The following PEX14 variants were observed in gnomAD, a reference collection of about 807,000 sequenced individuals.
PEX14 encodes the protein peroxisomal biogenesis factor 14.
In PEX14, 15 loss-of-function variants were observed where a neutral mutation model predicts 49.5. That is an observed-to-expected ratio of 0.30 (90% CI 0.20 to 0.47). The LOEUF (loss-of-function observed/expected upper bound fraction) is 0.47, where lower values mean the gene tolerates loss of function less well. PEX14 is among the 20% of genes least tolerant of loss of function. The pLI is 1.00. For synonymous variants in PEX14, 210 were observed against 212.7 expected, an observed-to-expected ratio of 0.99 and a Z score of 0.11; for missense variants, 398 against 494.8, an observed-to-expected ratio of 0.80 and a Z score of 1.86.
intron 2 of PEX14, among the ~76,000 whole-genome samples, chr1:10,503,071 G>A (rs1252745778): frequency 3.3e-5 from 5 of 151,720 alleles, no homozygotes; most frequent in Non-Finnish European, 5.9e-5. Flanking sequence ...AAAGTGCTGG[G>A]ATTACAGGTG....
chr1:10,616,483 C>A (rs1641420399), intron 4 of PEX14, among the ~76,000 whole-genome samples: 3 of 152,186 alleles, frequency 2.0e-5, no homozygotes, highest in Non-Finnish European at 4.4e-5. Context: ...TTTTCCCTCT[C>A]CCCCTTTCTC....
At chr1:10,527,042 T>C (rs1276540342) in intron 2 of PEX14, among the ~76,000 whole-genome samples, 1 of 151,742 alleles carries the variant, frequency 6.6e-6, no homozygotes, top group African/African-American at 2.4e-5. Context: ...GGTGAAACCT[T>C]GTCTCTACTA....
intron 4 of PEX14, among the ~76,000 whole-genome samples, chr1:10,606,264 G>A (rs1359362620): frequency 6.6e-6 from 1 of 152,262 alleles, no homozygotes; most frequent in African/African-American, 2.4e-5. Flanking sequence ...TCGTGGTGCA[G>A]TGTGAATGCT....
chr1:10,596,433 AACAATATTCAC>A (rs1159490834), intron 3 of PEX14, among the ~76,000 whole-genome samples: 1 of 152,228 alleles, frequency 6.6e-6, no homozygotes, highest in Admixed American at 6.5e-5. Context: ...GTAGCCCCAA[AACAATATTCAC>A]TGGCTCCTTC....
At chr1:10,543,782 T>C (rs1201492670) in intron 3 of PEX14, among the ~76,000 whole-genome samples, 1 of 152,206 alleles carries the variant, frequency 6.6e-6, no homozygotes, top group Non-Finnish European at 1.5e-5. Flanking sequence ...AGTTTTTTTG[T>C]AGAGACAGGG....
At chr1:10,506,657 A>G (rs908651409) in intron 2 of PEX14, among the ~76,000 whole-genome samples, 1 of 152,278 alleles carries the variant, frequency 6.6e-6, no homozygotes, top group Non-Finnish European at 1.5e-5. Flanking sequence ...GTGAATTGCT[A>G]AAAACATTGC....
At chr1:10,520,527 A>G (rs533019471) in intron 2 of PEX14, among the ~76,000 whole-genome samples, 8 of 152,192 alleles carry the variant, frequency 5.3e-5, no homozygotes, top group African/African-American at 1.7e-4. Context: ...ATATTAACAT[A>G]AAGATAAATT....
intron 3 of PEX14, among the ~76,000 whole-genome samples, chr1:10,594,444 ACCGTTTGTCACTGGC>A (rs1203783190): frequency 6.6e-6 from 1 of 152,180 alleles, no homozygotes; most frequent in African/African-American, 2.4e-5. Flanking sequence ...CTTGACTGCC[ACCGTTTGTCACTGGC>A]CCCCTGGCCC....
Position 10,495,447 on chromosome 1 carries a change from C to A in PEX14, c.84+126C>A. On this transcript the variant is annotated intron_variant, in intron 2 of 8. Coordinates refer to ENST00000356607, the MANE Select transcript of PEX14 (RefSeq NM_004565.3). This position sits in a 1 kb window ranked among gnomAD's most constrained non-coding sequence, Gnocchi z 4.2. ...TTTAAAAGTAGCTGTTACCTAGAGA[C>A]TGCCTCTGTCAGTGACCTCTGACTT... 1 of 765,770 alleles carries A rather than the reference C, an allele frequency of 1.3e-6. No homozygotes were observed. The allele number at this position is 765,770 out of a possible 1,614,324, so 47.4% of individuals were successfully genotyped here.
chr1:10,479,870 G>A (rs1641254488), intron 1 of PEX14, among the ~76,000 whole-genome samples: 1 of 152,164 alleles, frequency 6.6e-6, no homozygotes, highest in Non-Finnish European at 1.5e-5. Context: ...GGTGGTGCAT[G>A]TCTGTAGTTC....
intron 2 of PEX14, among the ~76,000 whole-genome samples, chr1:10,523,351 TCTC>T (rs1169573818): frequency 1.1e-4 from 16 of 152,208 alleles, no homozygotes; most frequent in Non-Finnish European, 1.5e-4. Context: ...CTATTCCCTG[TCTC>T]CTCCTTCTCT....
chr1:10,583,043 C>T (rs1016690876), intron 3 of PEX14, among the ~76,000 whole-genome samples: 4 of 151,630 alleles, frequency 2.6e-5, no homozygotes, highest in Admixed American at 6.6e-5. Context: ...GGCCTGGTAA[C>T]GGTTTTTATA....
intron 1 of PEX14, among the ~76,000 whole-genome samples, chr1:10,475,632 GC>G (rs1474772588): frequency 6.6e-6 from 1 of 152,178 alleles, no homozygotes; most frequent in Admixed American, 6.5e-5. Context: ...CGAGGGCTCC[GC>G]TCTAGCTTTT....
At chr1:10,599,894 G>C (rs1640934694) in intron 4 of PEX14, among the ~76,000 whole-genome samples, 7 of 152,158 alleles carry the variant, frequency 4.6e-5, no homozygotes, top group Admixed American at 4.6e-4. Context: ...GTTAAAACAT[G>C]AAGTTCCTTT....
chr1:10,558,394 AAAG>A (rs1639556647), intron 3 of PEX14, among the ~76,000 whole-genome samples: 1 of 152,084 alleles, frequency 6.6e-6, no homozygotes, highest in Non-Finnish European at 1.5e-5. Context: ...GCGAATCAAG[AAAG>A]AAGATCCCTT....
chr1:10,573,246 C>T (rs956397731), intron 3 of PEX14, among the ~76,000 whole-genome samples: 2 of 152,104 alleles, frequency 1.3e-5, no homozygotes, highest in African/African-American at 2.4e-5. Flanking sequence ...ATAGAGAACT[C>T]CTACAAATCA....
At chr1:10,542,462 C>T (rs961750409) in intron 3 of PEX14, among the ~76,000 whole-genome samples, 3 of 152,154 alleles carry the variant, frequency 2.0e-5, no homozygotes, top group African/African-American at 7.2e-5. Flanking sequence ...ATGTGTTATC[C>T]TTTTAAAAAC....
intron 2 of PEX14, among the ~76,000 whole-genome samples, chr1:10,520,199 C>T (rs1294183067): frequency 6.9e-6 from 1 of 144,344 alleles, no homozygotes; most frequent in Non-Finnish European, 1.5e-5. Flanking sequence ...ACTCTGTCAC[C>T]CCAGGCTGGA....
intron 2 of PEX14, among the ~76,000 whole-genome samples, chr1:10,499,190 G>C (rs1160736543): frequency 1.3e-5 from 2 of 152,174 alleles, no homozygotes; most frequent in African/African-American, 2.4e-5. Context: ...AATAAGGTTT[G>C]ATTTACACAT....
Sources: gnomAD v4.1 joint callset for allele counts (sites outside exome capture counted in the v4.1 genomes callset) on GRCh38, gnomAD v4.1.1 for gene constraint, Gnocchi (gnomAD v3.1) non-coding constraint, MANE v1.5 for transcripts, NCBI Gene and HGNC (gene_info 2026-07-23, HGNC 2026-07-21) for gene names.